The following WWTR1 variants were observed in gnomAD, a reference collection of about 807,000 sequenced individuals.
WWTR1 encodes the protein WW domain-containing transcription regulator protein 1.
WWTR1 carries 13 observed loss-of-function variants against 40.1 expected under a neutral mutation model. The ratio of observed to expected loss-of-function variants is 0.32; its 90% CI spans 0.21 to 0.52. The LOEUF (loss-of-function observed/expected upper bound fraction) is 0.52, where lower values mean the gene tolerates loss of function less well. Ranked by LOEUF, WWTR1 falls within the 20% of genes least tolerant of loss-of-function variation. WWTR1 has a pLI of 0.97. For missense variants in WWTR1, 436 were observed against 523.1 expected (o/e 0.83, Z 1.63); for synonymous variants, 230 against 210.1 (o/e 1.09, Z -0.82).
At chr3:149,554,987 T>C (rs1002810038) in intron 3 of WWTR1, among the ~76,000 whole-genome samples, 2 of 152,194 alleles carry the variant, frequency 1.3e-5, no homozygotes, top group East Asian at 1.9e-4. Flanking sequence ...CTTCAGACAA[T>C]AGGTATACTT....
chr3:149,581,422 C>T (rs958237526), intron 2 of WWTR1, among the ~76,000 whole-genome samples: 2 of 151,772 alleles, frequency 1.3e-5, no homozygotes, highest in Admixed American at 1.3e-4. Flanking sequence ...TGAGAAAGTT[C>T]ATCCTTCTTT....
intron 2 of WWTR1, among the ~76,000 whole-genome samples, chr3:149,630,197 T>C (rs1029782801): frequency 1.3e-5 from 2 of 152,072 alleles, no homozygotes; most frequent in Non-Finnish European, 2.9e-5. Context: ...TTTTCTTCTG[T>C]AAAAAAATTC....
intron 3 of WWTR1, among the ~76,000 whole-genome samples, chr3:149,550,194 A>G (rs1576552815): frequency 6.6e-6 from 1 of 152,174 alleles, no homozygotes; most frequent in East Asian, 1.9e-4. Context: ...TGGTTGGGGT[A>G]TGTACAAATG....
At chr3:149,705,938 T>C (rs948685201), upstream of WWTR1, among the ~76,000 whole-genome samples, 1 of 152,210 alleles carries the variant, frequency 6.6e-6, no homozygotes, top group African/African-American at 2.4e-5. Flanking sequence ...ATTTCTGTAA[T>C]CCCAGCACTG....
intron 2 of WWTR1, among the ~76,000 whole-genome samples, chr3:149,652,824 A>G (rs180805519): frequency 6.6e-6 from 1 of 152,064 alleles, no homozygotes; most frequent in Non-Finnish European, 1.5e-5. Context: ...GTAAAAGCAC[A>G]TTACTTAAGC....
intron 3 of WWTR1, among the ~76,000 whole-genome samples, chr3:149,564,184 C>T (rs1217717308): frequency 6.6e-6 from 1 of 152,226 alleles, no homozygotes; most frequent in Non-Finnish European, 1.5e-5. Context: ...GGGCATATTC[C>T]TCCTAGCAGC....
intron 2 of WWTR1, among the ~76,000 whole-genome samples, chr3:149,639,937 T>C (rs2108124535): frequency 7.2e-6 from 1 of 139,274 alleles, no homozygotes; most frequent in East Asian, 2.1e-4. Flanking sequence ...GAGCTTGCAG[T>C]GAGCCGAGAT....
chr3:149,534,168 TA>T (rs889862040), intron 4 of WWTR1, among the ~76,000 whole-genome samples: 8 of 150,192 alleles, frequency 5.3e-5, no homozygotes, highest in Non-Finnish European at 1.0e-4. Flanking sequence ...AGACTCTGTC[TA>T]AAAAAAAAGA....
intron 2 of WWTR1, among the ~76,000 whole-genome samples, chr3:149,592,767 G>A (rs555766808): frequency 2.3e-4 from 35 of 152,210 alleles, no homozygotes; most frequent in Admixed American, 1.5e-3. Flanking sequence ...TATTCTTAGT[G>A]TGCTTTCGAA....
intron 2 of WWTR1, among the ~76,000 whole-genome samples, chr3:149,605,692 A>C (rs1294755718): frequency 1.3e-5 from 2 of 152,168 alleles, no homozygotes; most frequent in African/African-American, 4.8e-5. Context: ...ATCACCATAC[A>C]GTTGCTGAAA....
At chr3:149,622,476 AG>A (rs1251057855) in intron 2 of WWTR1, among the ~76,000 whole-genome samples, 4 of 115,644 alleles carry the variant, frequency 3.5e-5, no homozygotes, top group African/African-American at 1.3e-4. Context: ...GAAGGAAGGA[AG>A]GAAGGAAGGA....
At chr3:149,667,137 T>C (rs1474554917) in intron 2 of WWTR1, among the ~76,000 whole-genome samples, 1 of 152,230 alleles carries the variant, frequency 6.6e-6, no homozygotes, top group African/African-American at 2.4e-5. Flanking sequence ...ATGTGAATCA[T>C]TATTTCTAAT....
In WWTR1 at chr3:149,551,239, G is replaced by A. The variant is rs138557536; in HGVS notation, c.569-8702C>T. On this transcript the variant is annotated intron_variant, in intron 3 of 6. Transcript: ENST00000360632. ...TTGAACCCAGGAGGCAGGAGGTTGC[G>A]GTGAGCCAAGACCACGCCATTGCTC... Among the ~76,000 whole-genome samples the A allele has an allele frequency of 1.0e-3, 148 of 144,324 alleles. 18 individuals are homozygous for A. Among genetic ancestry groups the A allele is most frequent in the African/African-American group, 3.4e-3 (128 of 37,900 alleles). 94.7% of individuals were successfully genotyped at this position (144,324 alleles called of 152,430 possible).
At position 149,594,532 on chromosome 3, in the gene WWTR1, C is replaced by T. The variant is rs2108037215; in HGVS notation, c.432-21532G>A. 2.0e-5 allele frequency among the ~76,000 whole-genome samples: 3 copies of T among 152,016 alleles called. No homozygotes were observed. In the Middle Eastern group the frequency reaches 0.01, roughly 517 times the overall value. On this transcript the variant is annotated intron_variant, in intron 2 of 6. Transcript: ENST00000360632. Reference sequence around the variant, plus strand: ...GCTGTATTTTTGTGAAAAATTTTAACCTAATTTAATCATAAAGAACCCATC... The same window carrying T: ...GCTGTATTTTTGTGAAAAATTTTAATCTAATTTAATCATAAAGAACCCATC...
chr3:149,624,313 T>C (rs1206405893), intron 2 of WWTR1, among the ~76,000 whole-genome samples: 1 of 152,154 alleles, frequency 6.6e-6, no homozygotes, highest in Non-Finnish European at 1.5e-5. Context: ...GAGAAGGCAA[T>C]ATGGCCAAGA....
At chr3:149,654,698 G>C (rs1476883798) in intron 2 of WWTR1, among the ~76,000 whole-genome samples, 1 of 152,192 alleles carries the variant, frequency 6.6e-6, no homozygotes, top group South Asian at 2.1e-4. Context: ...TTTGTTTCAG[G>C]GTCTTTTTCG....
chr3:149,651,908 C>T (rs1271163675), intron 2 of WWTR1, among the ~76,000 whole-genome samples: 1 of 148,448 alleles, frequency 6.7e-6, no homozygotes, highest in Non-Finnish European at 1.5e-5. Flanking sequence ...CGGCTCACTG[C>T]AAGCTCCGCC....
intron 4 of WWTR1, among the ~76,000 whole-genome samples, chr3:149,539,897 T>G (rs1736009239): frequency 2.0e-5 from 3 of 152,096 alleles, no homozygotes; most frequent in Admixed American, 2.0e-4. Flanking sequence ...AACACTCCAA[T>G]GCCATTTATT....
chr3:149,631,536 A>T (rs1711550325), intron 2 of WWTR1, among the ~76,000 whole-genome samples: 1 of 152,224 alleles, frequency 6.6e-6, no homozygotes, highest in Non-Finnish European at 1.5e-5. Flanking sequence ...TTCAATAACC[A>T]TAAGCAAGCT....
Sources: gnomAD v4.1 joint callset for allele counts (sites outside exome capture counted in the v4.1 genomes callset) on GRCh38, gnomAD v4.1.1 for gene constraint, MANE v1.5 for transcripts, NCBI Gene and HGNC (gene_info 2026-07-23, HGNC 2026-07-21) for gene names.